Variants in STARD8 observed in about 807,000 individuals in gnomAD.
STARD8 encodes the protein stAR-related lipid transfer protein 8.
STARD8 carries 25 observed loss-of-function variants against 69.4 expected under a neutral mutation model. That is an observed-to-expected ratio of 0.36 (90% CI 0.26 to 0.50). The LOEUF (loss-of-function observed/expected upper bound fraction) is 0.50. STARD8 is among the 20% of genes least tolerant of loss of function. STARD8 has a pLI of 0.96. For missense variants in STARD8, 921 were observed against 932.5 expected, an observed-to-expected ratio of 0.99 and a Z score of 0.16; for synonymous variants, 389 against 374.6, an observed-to-expected ratio of 1.04 and a Z score of -0.45.
chrX:68,724,422 A>G lies in STARD8; in HGVS notation c.3312A>G (p.Ter1104TrpextTer88), dbSNP rs1441480358. 2 of 1,197,292 alleles carry G rather than the reference A, an allele frequency of 1.7e-6. No homozygotes were observed. Among genetic ancestry groups the G allele is most frequent in the Non-Finnish European group, 2.3e-6 (2 of 887,538 alleles). The change falls in exon 15 of 15, where the codon TGA becomes TGG. Residue 1104 changes from the stop codon to tryptophan (W), a stop_lost. Coordinates refer to ENST00000374599, the MANE Select transcript of STARD8 (RefSeq NM_001142503.3). ...CAGCGGGCCCTGAGACAAAGCTGTG[A>G]GCCTTGGGCTGGTCCCAGGGTGGCA... ...LQAAGPETKL[*>W] is the part of the protein sequence containing the mutation.
chrX:68,671,762 C>A (rs914774210), intron 2 of STARD8, among the ~76,000 whole-genome samples: 1 of 111,747 alleles, frequency 8.9e-6, no homozygotes, highest in African/African-American at 3.3e-5. Context: ...ATTTGGAGGT[C>A]GCCCACATCT....
intron 2 of STARD8, among the ~76,000 whole-genome samples, chrX:68,698,327 A>G (rs911532349): frequency 1.8e-5 from 2 of 111,209 alleles, no homozygotes; most frequent in African/African-American, 6.6e-5. Flanking sequence ...TGATCGCCTC[A>G]TCTCAATTTG....
intron 2 of STARD8, among the ~76,000 whole-genome samples, chrX:68,682,540 G>T (rs919444367): frequency 2.7e-5 from 3 of 112,161 alleles, no homozygotes; most frequent in Admixed American, 9.4e-5. Context: ...TACTAAACTG[G>T]TATGTTGGAC....
chrX:68,668,109 CTTTCT>C (rs1223606763), intron 2 of STARD8, among the ~76,000 whole-genome samples: 2 of 92,312 alleles, frequency 2.2e-5, no homozygotes, highest in Admixed American at 1.2e-4. Flanking sequence ...TTCTTTCTTT[CTTTCT>C]GTCTTTCTTT....
chrX:68,658,391 T>C (rs1314387332), intron 1 of STARD8, among the ~76,000 whole-genome samples: 1 of 112,574 alleles, frequency 8.9e-6, no homozygotes, highest in East Asian at 2.8e-4. Context: ...TATGTTCATG[T>C]AATCTGTGCT....
At chrX:68,668,853 C>T (rs764470932) in intron 2 of STARD8, among the ~76,000 whole-genome samples, 2 of 112,056 alleles carry the variant, frequency 1.8e-5, no homozygotes, top group Non-Finnish European at 3.8e-5. Flanking sequence ...TAAATAATAA[C>T]CTCACCCTAA....
At chrX:68,677,424 G>T (rs1466123016) in intron 2 of STARD8, among the ~76,000 whole-genome samples, 1 of 111,897 alleles carries the variant, frequency 8.9e-6, no homozygotes, top group Admixed American at 9.4e-5. Flanking sequence ...CAACTTGACT[G>T]TAAGCATCTT....
At chrX:68,689,616 G>A (rs924320952) in intron 2 of STARD8, among the ~76,000 whole-genome samples, 9 of 112,510 alleles carry the variant, frequency 8.0e-5, no homozygotes, top group Non-Finnish European at 1.5e-4. Context: ...GCTTAGGGAG[G>A]GCAAGGGCAG....
chrX:68,687,968 G>A (rs1037765107), intron 2 of STARD8, among the ~76,000 whole-genome samples: 7 of 112,629 alleles, frequency 6.2e-5, no homozygotes, highest in African/African-American at 2.3e-4. Flanking sequence ...GGGCCTGCCC[G>A]CCCCACTCTC....
chrX:68,685,439 C>A (rs1226431169), intron 2 of STARD8, among the ~76,000 whole-genome samples: 2 of 111,932 alleles, frequency 1.8e-5, no homozygotes, highest in Non-Finnish European at 3.8e-5. Flanking sequence ...TTAACCAGGA[C>A]CCCCCACCAT....
chrX:68,679,993 A>G (rs1036641052), intron 2 of STARD8, among the ~76,000 whole-genome samples: 7 of 111,988 alleles, frequency 6.3e-5, no homozygotes, highest in Non-Finnish European at 1.1e-4. Flanking sequence ...CTATCTGTTC[A>G]AGGCATGCCA....
intron 2 of STARD8, among the ~76,000 whole-genome samples, chrX:68,709,659 T>G (rs1158816837): frequency 9.2e-6 from 1 of 109,218 alleles, no homozygotes; most frequent in African/African-American, 3.3e-5. Flanking sequence ...CTACAAAAAA[T>G]AAAAAGAAAA....
intron 1 of STARD8, among the ~76,000 whole-genome samples, chrX:68,658,611 A>C (rs973710426): frequency 2.7e-5 from 3 of 112,470 alleles, no homozygotes; most frequent in African/African-American, 9.7e-5. Flanking sequence ...CCGACACTGG[A>C]GCTTGGTCTT....
At chrX:68,697,841 G>C (rs2079933511) in intron 2 of STARD8, among the ~76,000 whole-genome samples, 1 of 112,216 alleles carries the variant, frequency 8.9e-6, no homozygotes, top group African/African-American at 3.2e-5. Context: ...CCTCACCACA[G>C]CCTGTCAGAG....
rs2079958271 is a variant in STARD8, at chrX:68,700,465, C to T, written c.80-12449C>T. Among the ~76,000 whole-genome samples, 3 of 112,594 alleles carry T rather than the reference C, an allele frequency of 2.7e-5. No homozygotes were observed. The South Asian group carries it at 1.1e-3, about 41-fold the overall frequency. ...GCAGCCGGGGCTGACTCGGCAGCTTCCCCACCACAGAGGAACCCCTGCCCT... is the reference window on the plus strand; with the variant it reads ...GCAGCCGGGGCTGACTCGGCAGCTTTCCCACCACAGAGGAACCCCTGCCCT... On this transcript the variant is annotated intron_variant, in intron 2 of 14. Transcript: ENST00000374599.
Position 68,717,342 on chromosome X carries a change from C to T in STARD8, c.428C>T (p.Thr143Ile). 1 of 1,208,403 alleles carries T rather than the reference C, an allele frequency of 8.3e-7. No individual in the cohort carries two copies. Among genetic ancestry groups the T allele is most frequent in the East Asian group, 3.0e-5 (1 of 33,742 alleles). The change falls in exon 6 of 15, where the codon ACC becomes ATC. Residue 143 changes from threonine (T) to isoleucine (I), a missense_variant. Coordinates refer to ENST00000374599, the MANE Select transcript of STARD8 (RefSeq NM_001142503.3). ...CCACCGAGCCCTGGCCTGCCAGCGA[C>T]CTCAAGCTGTGAGAGCGTCCTCACC... is the stretch of plus-strand genomic sequence containing the variant. ...LAPPSPGLPATSSCESVLTEL... is the reference protein window; with the variant it reads ...LAPPSPGLPAISSCESVLTEL...
At chrX:68,713,112 TTTTTTCAGGGAC>T in intron 3 of STARD8, 127 bp downstream of exon 3, 1 of 662,923 alleles carries the variant, frequency 1.5e-6, no homozygotes, top group Non-Finnish European at 2.3e-6. Context: ...CTGCTCCGAT[TTTTTTCAGGGAC>T]TTTGCTCCTG....
intron 2 of STARD8, among the ~76,000 whole-genome samples, chrX:68,680,038 G>T (rs906202166): frequency 8.9e-6 from 1 of 111,942 alleles, no homozygotes; most frequent in Non-Finnish European, 1.9e-5. Flanking sequence ...ACTGTGCGTC[G>T]CCAACTTTTG....
At chrX:68,686,376 A>G (rs1181205029) in intron 2 of STARD8, among the ~76,000 whole-genome samples, 1 of 112,493 alleles carries the variant, frequency 8.9e-6, no homozygotes, top group Admixed American at 9.3e-5. Flanking sequence ...AGGCGCCAGC[A>G]CTCCGGCTCG....
Sources: allele counts gnomAD v4.1 joint callset (sites outside exome capture counted in the v4.1 genomes callset), GRCh38; gene constraint gnomAD v4.1.1; transcripts MANE v1.5; gene names NCBI Gene and HGNC (gene_info 2026-07-23, HGNC 2026-07-21).